CDC45: variants seen among roughly 807,000 people sequenced by gnomAD.
CDC45 encodes cell division control protein 45 homolog.
Under a neutral mutation model 77.8 loss-of-function variants are expected in CDC45, and 54 were observed. The ratio of observed to expected loss-of-function variants is 0.69; its 90% CI spans 0.56 to 0.87. CDC45 has a LOEUF of 0.87. Ranked by LOEUF, CDC45 falls within the 40% of genes least tolerant of loss-of-function variation. The pLI is 0.00. For synonymous variants in CDC45, 260 were observed against 272.1 expected, an observed-to-expected ratio of 0.96 and a Z score of 0.44; for missense variants, 649 against 721.6, an observed-to-expected ratio of 0.90 and a Z score of 1.15.
intron 12 of CDC45, among the ~76,000 whole-genome samples, chr22:19,508,104 T>A (rs1933304551): frequency 6.6e-6 from 1 of 152,124 alleles, no homozygotes; most frequent in Admixed American, 6.5e-5. Flanking sequence ...AGGTTTAGGA[T>A]CCTAGGATCC....
chr22:19,516,630 G>C lies in CDC45; in HGVS notation c.1544G>C (p.Ser515Thr). The C allele has an allele frequency of 6.2e-7, 1 of 1,613,708 alleles. No individual in the cohort carries two copies. The highest frequency in any genetic ancestry group is 8.5e-7 in the Non-Finnish European group (1 of 1,179,674). Reference sequence around the variant, plus strand: ...GTGGGCATCCCCCCAGAGACCGACAGCTCGGACAGGAAGAAGTGAGCAGCT... The same window carrying C: ...GTGGGCATCCCCCCAGAGACCGACACCTCGGACAGGAAGAAGTGAGCAGCT... Reference protein sequence around the residue: ...TVVGIPPETDSSDRKNFFGRA... With the variant: ...TVVGIPPETDTSDRKNFFGRA... Residue 515 changes from serine to threonine, a missense_variant, in exon 16 of 19, where the codon AGC becomes ACC. Transcript: ENST00000263201.
chr22:19,516,901 T>G lies in CDC45; in HGVS notation c.1636+8T>G. The stretch of plus-strand genomic sequence containing the variant: ...ACCATTTTGACCTCTCAGGTGAGAG[T>G]CTCCTGCCACTCTGCCACACTTTCC... On this transcript the variant is annotated splice_region_variant and intron_variant, in intron 17 of 18. Transcript: ENST00000263201. 6.2e-7 allele frequency: 1 copy of G among 1,608,302 alleles called. No homozygotes were observed. The highest frequency in any genetic ancestry group is 8.5e-7 in the Non-Finnish European group (1 of 1,175,926).
intron 18 of CDC45, among the ~76,000 whole-genome samples, chr22:19,519,332 T>C (rs1397269511): frequency 6.6e-6 from 1 of 152,164 alleles, no homozygotes; most frequent in Non-Finnish European, 1.5e-5. Context: ...GCTTGGCTCA[T>C]GAGAAAGCAA....
chr22:19,506,191 T>C (rs187395197), intron 10 of CDC45, among the ~76,000 whole-genome samples: 4 of 152,262 alleles, frequency 2.6e-5, no homozygotes, highest in Admixed American at 2.6e-4. Context: ...CTGCCCTGTC[T>C]CTGCACTGTG....
chr22:19,497,762 G>A (rs933987998), intron 8 of CDC45, among the ~76,000 whole-genome samples: 8 of 152,288 alleles, frequency 5.3e-5, no homozygotes, highest in African/African-American at 1.7e-4. Flanking sequence ...GAGATTTGAA[G>A]GAGGCAGCCT....
intron 3 of CDC45, 37 bp from the exon 4 acceptor site, chr22:19,482,653 C>A (rs373253893): frequency 1.2e-6 from 2 of 1,603,030 alleles, no homozygotes; most frequent in Non-Finnish European, 1.7e-6. Context: ...GGGGCCTCCT[C>A]GATATAGCTA....
upstream of CDC45, chr22:19,479,540 A>C (rs1236286053): frequency 3.6e-6 from 2 of 559,692 alleles, no homozygotes; most frequent in African/African-American, 3.8e-5. Context: ...CACACCAAAA[A>C]CCTATTGCAA....
chr22:19,497,324 G>A, intron 7 of CDC45, 62 bp from the exon 8 acceptor site: 2 of 1,502,276 alleles, frequency 1.3e-6, no homozygotes, highest in Non-Finnish European at 1.9e-6. Flanking sequence ...CAGTCTGGCT[G>A]CATGGCCCAG....
At chr22:19,481,093 A>G (rs1471767191) in intron 3 of CDC45, 48 bp downstream of exon 3, 2 of 1,159,058 alleles carry the variant, frequency 1.7e-6, no homozygotes, top group Non-Finnish European at 2.6e-6. Flanking sequence ...CTCAATTGTA[A>G]TTTCTTGACA....
intron 17 of CDC45, among the ~76,000 whole-genome samples, chr22:19,517,583 G>A (rs187314233): frequency 9.2e-5 from 14 of 152,326 alleles, no homozygotes; most frequent in African/African-American, 2.9e-4. Context: ...CTTCAACCAC[G>A]TGTCTCCTCC....
intron 5 of CDC45, among the ~76,000 whole-genome samples, chr22:19,493,902 G>T (rs1347856042): frequency 6.6e-6 from 1 of 152,218 alleles, no homozygotes; most frequent in African/African-American, 2.4e-5. Context: ...ATTAAACGAG[G>T]TTGTGCCTGT....
At chr22:19,517,036 C>T (rs1292124058) in intron 17 of CDC45, 143 bp downstream of exon 17, 1 of 691,164 alleles carries the variant, frequency 1.4e-6, no homozygotes, top group Non-Finnish European at 2.5e-6. Flanking sequence ...CTGGGACAGG[C>T]TACTCCTGGT....
chr22:19,506,993 G>A (rs1415214328), intron 10 of CDC45, among the ~76,000 whole-genome samples: 2 of 152,132 alleles, frequency 1.3e-5, no homozygotes, highest in African/African-American at 2.4e-5. Flanking sequence ...GGGTCCCAGT[G>A]GAGGGCTCTC....
At chr22:19,481,630 C>G (rs1282321040) in intron 3 of CDC45, among the ~76,000 whole-genome samples, 1 of 151,848 alleles carries the variant, frequency 6.6e-6, no homozygotes, top group Non-Finnish European at 1.5e-5. Context: ...CTGCCCACCT[C>G]CGAAAGTGCT....
chr22:19,480,118 T>C, intron 1 of CDC45, 40 bp from the exon 2 acceptor site: 1 of 1,613,364 alleles, frequency 6.2e-7, no homozygotes, highest in Non-Finnish European at 8.5e-7. Context: ...GGGCCGGGGT[T>C]CGGGTCGCCG....
At chr22:19,499,220 G>A in intron 9 of CDC45, 69 bp downstream of exon 9, 1 of 1,544,878 alleles carries the variant, frequency 6.5e-7, no homozygotes, top group Non-Finnish European at 8.9e-7. Flanking sequence ...CCTGACCATA[G>A]CCACTAAGTT....
intron 17 of CDC45, among the ~76,000 whole-genome samples, chr22:19,518,376 CT>C (rs553475557): frequency 9.2e-5 from 14 of 152,310 alleles, no homozygotes; most frequent in African/African-American, 3.1e-4. Context: ...GGTCTGGGTG[CT>C]CAGCTGAGCC....
intron 5 of CDC45, among the ~76,000 whole-genome samples, chr22:19,492,855 A>G (rs2090173673): frequency 6.6e-6 from 1 of 152,004 alleles, no homozygotes; most frequent in Admixed American, 6.6e-5. Context: ...CAGGCTTCCC[A>G]CTTTGCTGCC....
intron 17 of CDC45, among the ~76,000 whole-genome samples, chr22:19,517,531 G>A (rs548333446): frequency 1.3e-5 from 2 of 152,326 alleles, no homozygotes; most frequent in Admixed American, 6.5e-5. Context: ...CCCCGGGTTA[G>A]TTTGCTAAAG....
Sources: gnomAD v4.1 joint callset for allele counts (sites outside exome capture counted in the v4.1 genomes callset) on GRCh38, gnomAD v4.1.1 for gene constraint, MANE v1.5 for transcripts, NCBI Gene and HGNC (gene_info 2026-07-23, HGNC 2026-07-21) for gene names.